Variants in MYO16 observed in about 807,000 individuals in gnomAD.
MYO16 encodes the protein unconventional myosin-XVI.
MYO16 carries 94 observed loss-of-function variants against 205.3 expected under a neutral mutation model. The observed-to-expected ratio is 0.46, with a 90% CI of 0.39 to 0.54. The LOEUF (loss-of-function observed/expected upper bound fraction) is 0.54. MYO16 is among the 20% of genes least tolerant of loss of function. MYO16 has a pLI of 0.00. For synonymous variants in MYO16, 988 were observed against 954.0 expected (o/e 1.04, Z -0.66); for missense variants, 2,315 against 2,387.5 (o/e 0.97, Z 0.63).
chr13:108,599,951 T>A (rs1201476097), intron 1 of MYO16, among the ~76,000 whole-genome samples: 1 of 152,190 alleles, frequency 6.6e-6, no homozygotes, highest in Non-Finnish European at 1.5e-5. Context: ...TGGGAAAATT[T>A]TCTTCAATTC....
chr13:109,010,544 C>A (rs1198673319), intron 22 of MYO16, among the ~76,000 whole-genome samples: 1 of 152,092 alleles, frequency 6.6e-6, no homozygotes, highest in Non-Finnish European at 1.5e-5. Flanking sequence ...TGATTTGGGG[C>A]CCTGTCTTTG....
the MYO16 span, among the ~76,000 whole-genome samples, chr13:108,520,214 G>A: frequency 1.8e-3 from 272 of 151,696 alleles, 1 homozygote; most frequent in African/African-American, 5.5e-3. Context: ...ATTATATGTC[G>A]TAAGATCTGT....
At chr13:108,717,926 A>C (rs1884012306) in intron 3 of MYO16, among the ~76,000 whole-genome samples, 1 of 152,244 alleles carries the variant, frequency 6.6e-6, no homozygotes, top group Non-Finnish European at 1.5e-5. Context: ...TAATAAAACC[A>C]ACATATAAAA....
At chr13:108,908,385 A>G (rs1033371226) in intron 15 of MYO16, among the ~76,000 whole-genome samples, 5 of 152,218 alleles carry the variant, frequency 3.3e-5, no homozygotes, top group Admixed American at 6.5e-5. Context: ...TAAATTGACC[A>G]CTTACTAAAT....
intron 4 of MYO16, among the ~76,000 whole-genome samples, chr13:108,784,232 GTT>G (rs138425926): frequency 6.7e-6 from 1 of 149,124 alleles, no homozygotes; most frequent in African/African-American, 2.5e-5. Flanking sequence ...TGAAGTCAGG[GTT>G]TTTTTTTTCA....
intron 1 of MYO16, among the ~76,000 whole-genome samples, chr13:108,639,458 C>T (rs1880404539): frequency 6.6e-6 from 1 of 152,120 alleles, no homozygotes; most frequent in African/African-American, 2.4e-5. Flanking sequence ...CTGATTTGCG[C>T]TATTCAAACC....
intron 23 of MYO16, among the ~76,000 whole-genome samples, chr13:109,041,446 T>A (rs1208849217): frequency 6.6e-6 from 1 of 152,066 alleles, no homozygotes; most frequent in Non-Finnish European, 1.5e-5. Context: ...AAGAATGAAG[T>A]GGGAGGAATT....
the MYO16 span, among the ~76,000 whole-genome samples, chr13:108,504,558 T>C: frequency 2.6e-5 from 4 of 151,966 alleles, no homozygotes; most frequent in African/African-American, 9.7e-5. Flanking sequence ...TACTTTGAGA[T>C]GGAGTCTCTC....
chr13:108,992,548 G>A, intron 21 of MYO16, 100 bp downstream of exon 21: 3 of 656,562 alleles, frequency 4.6e-6, no homozygotes, highest in Admixed American at 3.4e-5. Flanking sequence ...TTACAAATAT[G>A]GAATTAAAAT....
chr13:109,122,633 G>T (rs146773101), intron 29 of MYO16, among the ~76,000 whole-genome samples: 2 of 151,008 alleles, frequency 1.3e-5, no homozygotes, highest in South Asian at 4.2e-4. Context: ...AGCCAAGATC[G>T]TGGAGATCAT....
chr13:108,603,132 T>A (rs985918421), intron 1 of MYO16, among the ~76,000 whole-genome samples: 2 of 152,200 alleles, frequency 1.3e-5, no homozygotes, highest in African/African-American at 4.8e-5. Context: ...TGAGATATCA[T>A]GAAACACACA....
At chr13:108,825,249 A>G (rs1876188435) in intron 9 of MYO16, among the ~76,000 whole-genome samples, 1 of 152,112 alleles carries the variant, frequency 6.6e-6, no homozygotes, top group Non-Finnish European at 1.5e-5. Flanking sequence ...TTCAAAAATC[A>G]GAAAATATGG....
chr13:108,729,364 A>G (rs1884447092), intron 4 of MYO16, among the ~76,000 whole-genome samples: 1 of 152,206 alleles, frequency 6.6e-6, no homozygotes, highest in Admixed American at 6.5e-5. Flanking sequence ...TAGAGCACGC[A>G]GCTGGGTCAT....
At chr13:108,578,491 C>T in the MYO16 span, among the ~76,000 whole-genome samples, 1 of 152,138 alleles carries the variant, frequency 6.6e-6, no homozygotes, top group South Asian at 2.1e-4. Flanking sequence ...TTAGAAAAGG[C>T]ATGTTATAAA....
intron 2 of MYO16, among the ~76,000 whole-genome samples, chr13:108,682,567 A>G (rs767442774): frequency 6.6e-6 from 1 of 152,190 alleles, no homozygotes; most frequent in Non-Finnish European, 1.5e-5. Flanking sequence ...TATAGATTAA[A>G]TATTCCACAA....
intron 34 of MYO16, among the ~76,000 whole-genome samples, chr13:109,203,526 GC>G (rs1880483272): frequency 6.6e-6 from 1 of 151,294 alleles, no homozygotes; most frequent in African/African-American, 2.4e-5. Context: ...GTAGTTCCTC[GC>G]TGGGCTGTGC....
chr13:108,544,468 T>C, the MYO16 span, among the ~76,000 whole-genome samples: 1 of 152,224 alleles, frequency 6.6e-6, no homozygotes, highest in African/African-American at 2.4e-5. Flanking sequence ...AGTGCATTAA[T>C]AATCACACCG....
chr13:108,940,320 A>AT (rs1882670237), intron 16 of MYO16, among the ~76,000 whole-genome samples: 2 of 152,058 alleles, frequency 1.3e-5, no homozygotes, highest in South Asian at 4.1e-4. Context: ...CATAAGGAAG[A>AT]TTATTTGTAC....
upstream of MYO16, among the ~76,000 whole-genome samples, chr13:108,627,948 T>C (rs1048933863): frequency 6.6e-6 from 1 of 152,186 alleles, no homozygotes; most frequent in Non-Finnish European, 1.5e-5. Flanking sequence ...TAGGGACATC[T>C]ACATGGATAC....
Sources: gnomAD v4.1 joint callset for allele counts (sites outside exome capture counted in the v4.1 genomes callset) on GRCh38, gnomAD v4.1.1 for gene constraint, MANE v1.5 for transcripts, NCBI Gene and HGNC (gene_info 2026-07-23, HGNC 2026-07-21) for gene names.